FBXO3: variants seen among roughly 807,000 people sequenced by gnomAD.
The protein encoded by FBXO3 is F-box only protein 3.
In FBXO3, 17 loss-of-function variants were observed where a neutral mutation model predicts 64.8. The observed-to-expected ratio is 0.26, with a 90% CI of 0.18 to 0.39. The LOEUF (loss-of-function observed/expected upper bound fraction) is 0.39. Ranked by LOEUF, FBXO3 falls within the 10% of genes least tolerant of loss-of-function variation. The pLI, the probability that FBXO3 is intolerant of heterozygous loss-of-function variation, is 1.00. For synonymous variants in FBXO3, 182 were observed against 201.6 expected (o/e 0.90, Z 0.82); for missense variants, 420 against 589.9 (o/e 0.71, Z 2.98).
intron 3 of FBXO3, among the ~76,000 whole-genome samples, chr11:33,762,383 C>T (rs978991513): frequency 3.3e-5 from 5 of 152,134 alleles, no homozygotes; most frequent in Non-Finnish European, 7.4e-5. Flanking sequence ...CAAAATAGAT[C>T]ACATACCGGA....
At chr11:33,757,656 TAAAAAAAAAAA>T (rs1170445394) in intron 4 of FBXO3, among the ~76,000 whole-genome samples, 43 of 23,982 alleles carry the variant, frequency 1.8e-3, no homozygotes, top group African/African-American at 5.6e-3. Context: ...CACCATCTCT[TAAAAAAAAAAA>T]AAAAAAAAAA....
At chr11:33,754,993 A>G (rs879752787) in intron 5 of FBXO3, among the ~76,000 whole-genome samples, 3 of 151,686 alleles carry the variant, frequency 2.0e-5, no homozygotes, top group Non-Finnish European at 4.4e-5. Flanking sequence ...AGCCTCCCCA[A>G]GTAGCTGGGA....
Position 33,743,696 on chromosome 11 carries a change from T to TC in FBXO3, c.1240-1613dup, listed in dbSNP as rs1398960809. The TC allele has an allele frequency of 6.6e-6, 1 of 152,354 alleles. No individual in the cohort carries two copies. Among genetic ancestry groups the TC allele is most frequent in the Non-Finnish European group, 1.5e-5 (1 of 68,108 alleles). The allele number at this position is 152,354 out of a possible 1,614,324, so 9.4% of individuals were successfully genotyped here. The stretch of plus-strand genomic sequence containing the variant: ...GTTTCGGAACCTCCACACGTGCTGC[T>TC]CCTTTGCTTCGACCTCTCGTCTCCC... On this transcript the variant is annotated intron_variant, in intron 10 of 10. Coordinates refer to ENST00000265651, the MANE Select transcript of FBXO3 (RefSeq NM_012175.4). The surrounding 1 kb of genome is among the most constrained non-coding windows in gnomAD (Gnocchi z 4.6).
At chr11:33,765,928 G>C (rs1403718736) in intron 3 of FBXO3, among the ~76,000 whole-genome samples, 2 of 152,122 alleles carry the variant, frequency 1.3e-5, no homozygotes, top group East Asian at 3.9e-4. Flanking sequence ...TTTTTGTACA[G>C]CCTGCAGAAT....
At chr11:33,747,514 C>CT (rs375433121) in intron 9 of FBXO3, among the ~76,000 whole-genome samples, 194 bp from the exon 10 acceptor site, 3,786 of 140,870 alleles carry the variant, frequency 0.027, 129 homozygotes, top group African/African-American at 0.081. Flanking sequence ...TTCCTCTTGA[C>CT]TTTTTTTTTT....
intron 3 of FBXO3, chr11:33,763,384 C>T: frequency 3.3e-6 from 1 of 299,216 alleles, no homozygotes; most frequent in Non-Finnish European, 6.9e-6. Context: ...ATATCCAGTA[C>T]ATATAAAAAA....
At chr11:33,753,538 G>A (rs1855015802) in intron 6 of FBXO3, 1 of 152,214 alleles carries the variant, frequency 6.6e-6, no homozygotes, top group Admixed American at 6.5e-5. Context: ...TCCAGAGAGT[G>A]CTTAACTTAG....
Position 33,748,812 on chromosome 11 carries a change from C to T in FBXO3, c.1013G>A (p.Gly338Asp). 6.2e-7 allele frequency: 1 copy of T among 1,613,798 alleles called. No homozygotes were observed. Among genetic ancestry groups the T allele is most frequent in the Non-Finnish European group, 8.5e-7 (1 of 1,179,806 alleles). ...AGGTCCTTGAACTTCTTCCACGTCACCCTTAGCATTTGTTATTCTCCAATA... is the reference window on the plus strand; with the variant it reads ...AGGTCCTTGAACTTCTTCCACGTCATCCTTAGCATTTGTTATTCTCCAATA... ...SRYWRITNAK[G>D]DVEEVQGPGV... Residue 338 changes from glycine (G) to aspartate (D), a missense_variant, in exon 9 of 11, where the codon GGT (glycine) becomes GAT (aspartate). Physicochemically the swap from Gly to Asp is moderately conservative, Grantham distance 94. Transcript: ENST00000265651.
intron 4 of FBXO3, 35 bp from the exon 5 acceptor site, chr11:33,756,010 G>A (rs1381961893): frequency 3.2e-6 from 5 of 1,550,940 alleles, no homozygotes; most frequent in Admixed American, 1.7e-5. Context: ...TGTAATACAC[G>A]GCAGTGCCAA....
chr11:33,767,354 C>T (rs1855400139), intron 3 of FBXO3, among the ~76,000 whole-genome samples: 1 of 152,132 alleles, frequency 6.6e-6, no homozygotes, highest in African/African-American at 2.4e-5. Context: ...GGCTGGAGTG[C>T]AGTGGCGCGA....
In FBXO3 at chr11:33,768,671, A is replaced by G. The variant is rs531754531; in HGVS notation, c.358+180T>C. ...TAACCATGTGGGTCCCAAGGATGAG[A>G]AAAAACAGGGTAAGCACTAGAGTGA... On this transcript the variant is annotated intron_variant, in intron 3 of 10. Transcript: ENST00000265651. The G allele has an allele frequency of 1.4e-4, 91 of 631,410 alleles. 1 individual carries two copies. The South Asian group carries it at 2.0e-3, about 14-fold the overall frequency. The allele number at this position is 631,410 out of a possible 1,614,324, so 39.1% of individuals were successfully genotyped here.
chr11:33,769,250 T>TG (rs1855452146), intron 2 of FBXO3, among the ~76,000 whole-genome samples: 1 of 152,124 alleles, frequency 6.6e-6, no homozygotes, highest in Non-Finnish European at 1.5e-5. Context: ...CTACTTATTT[T>TG]TTTTCAGTTT....
chr11:33,758,692 T>C, intron 3 of FBXO3, 91 bp from the exon 4 acceptor site: 1 of 796,122 alleles, frequency 1.3e-6, no homozygotes, highest in Non-Finnish European at 1.9e-6. Flanking sequence ...GAAACAATCT[T>C]GGAATGAGTG....
chr11:33,752,764 C>T (rs948785032), intron 6 of FBXO3, among the ~76,000 whole-genome samples: 6 of 151,176 alleles, frequency 4.0e-5, no homozygotes, highest in South Asian at 2.1e-4. Flanking sequence ...TATAATTTTA[C>T]GTTTTTAGCA....
Position 33,769,228 on chromosome 11 carries a change from C to T in FBXO3, c.195-214G>A, listed in dbSNP as rs552895940. Among the ~76,000 whole-genome samples the T allele has an allele frequency of 3.8e-4, 58 of 152,162 alleles. 2 individuals are homozygous for T. In the South Asian group the frequency reaches 0.012, roughly 30 times the overall value. On this transcript the variant is annotated intron_variant, in intron 2 of 10. Transcript: ENST00000265651. ...GGTGGAATTGCTAGGCACTCATTTT[C>T]TCCTTTTCTTTCTACTTATTTTTTT...
At chr11:33,745,115 T>G (rs1326915474) in intron 10 of FBXO3, 1 of 152,190 alleles carries the variant, frequency 6.6e-6, no homozygotes, top group Non-Finnish European at 1.5e-5. Flanking sequence ...AGATGGAGAT[T>G]TCATAATGAT....
intron 3 of FBXO3, among the ~76,000 whole-genome samples, chr11:33,767,295 T>TTTTTG (rs1206982735): frequency 3.3e-5 from 5 of 152,300 alleles, no homozygotes; most frequent in East Asian, 1.9e-4. Context: ...CTTAGTTTTT[T>TTTTTG]TTTTGTTTTG....
intron 10 of FBXO3, chr11:33,745,893 A>G (rs1306809609): frequency 6.6e-6 from 1 of 152,148 alleles, no homozygotes; most frequent in Non-Finnish European, 1.5e-5. Flanking sequence ...GCAATGAACA[A>G]AAGAGAAGAT....
chr11:33,769,639 G>A (rs1424192496), intron 2 of FBXO3, among the ~76,000 whole-genome samples: 2 of 152,048 alleles, frequency 1.3e-5, no homozygotes, highest in African/African-American at 2.4e-5. Flanking sequence ...AGCCACAGAC[G>A]GCCTTAAGGT....
Sources: allele counts gnomAD v4.1 joint callset (sites outside exome capture counted in the v4.1 genomes callset), GRCh38; gene constraint gnomAD v4.1.1; non-coding constraint Gnocchi (gnomAD v3.1); transcripts MANE v1.5; gene names NCBI Gene and HGNC (gene_info 2026-07-23, HGNC 2026-07-21).